HTR2C: variants seen among roughly 807,000 people sequenced by gnomAD.
HTR2C encodes the protein 5-hydroxytryptamine receptor 2C.
HTR2C carries 5 observed loss-of-function variants against 21.0 expected under a neutral mutation model. That is an observed-to-expected ratio of 0.24 (90% CI 0.12 to 0.50). HTR2C has a LOEUF of 0.50. HTR2C is among the 20% of genes least tolerant of loss of function. The pLI is 0.98. For synonymous variants in HTR2C, 150 were observed against 145.3 expected, an observed-to-expected ratio of 1.03 and a Z score of -0.23; for missense variants, 271 against 371.2, an observed-to-expected ratio of 0.73 and a Z score of 2.22.
intron 5 of HTR2C, among the ~76,000 whole-genome samples, chrX:114,891,009 A>G (rs781820519): frequency 2.0e-3 from 219 of 111,415 alleles, no homozygotes; most frequent in Non-Finnish European, 3.6e-3. Context: ...GGCTTAATTC[A>G]TATTTTGTAT....
At chrX:114,609,137 C>T (rs1458457996) in intron 1 of HTR2C, among the ~76,000 whole-genome samples, 6 of 110,971 alleles carry the variant, frequency 5.4e-5, no homozygotes, top group African/African-American at 2.0e-4. Flanking sequence ...GTATTTTGGC[C>T]ACTAACATCA....
Position 114,796,491 on chromosome X carries a change from C to G in HTR2C, c.350-51512C>G, listed in dbSNP as rs1188361907. 3.6e-5 allele frequency among the ~76,000 whole-genome samples: 4 copies of G among 110,990 alleles called. No homozygotes were observed. The Admixed American group carries it at 3.9e-4, about 11-fold the overall frequency. On this transcript the variant is annotated intron_variant, in intron 4 of 5. Transcript: ENST00000276198. ...AGATGGATATGCATGGATTCTGATC[C>G]TAATTCCTGTTACTTAATGTCTATA...
At chrX:114,779,953 C>T (rs2316100) in intron 4 of HTR2C, among the ~76,000 whole-genome samples, 1,181 of 110,207 alleles carry the variant, frequency 0.011, 21 homozygotes, top group Admixed American at 0.073. Context: ...ATACTGTCAG[C>T]CTTTTGCATC....
At chrX:114,698,143 A>G (rs1287958207) in intron 2 of HTR2C, among the ~76,000 whole-genome samples, 1 of 112,243 alleles carries the variant, frequency 8.9e-6, no homozygotes. Context: ...GACTGCATGT[A>G]GAAGCTTTTT....
rs369570764 is a variant in HTR2C, at chrX:114,806,341, A to G, written c.350-41662A>G. 1.7e-4 allele frequency among the ~76,000 whole-genome samples: 14 copies of G among 81,151 alleles called. 1 individual carries two copies. The highest frequency in any genetic ancestry group is 6.4e-4 in the African/African-American group (13 of 20,291). 70.5% of individuals were successfully genotyped at this position (81,151 alleles called of 115,157 possible). ...CATATATACACCATATATATACACC[A>G]TATATATACACACCATATATATACC... On this transcript the variant is annotated intron_variant, in intron 4 of 5. Coordinates refer to ENST00000276198, the MANE Select transcript of HTR2C (RefSeq NM_000868.4).
chrX:114,680,836 G>GT (rs1320155309), intron 2 of HTR2C, among the ~76,000 whole-genome samples: 13 of 111,334 alleles, frequency 1.2e-4, no homozygotes, highest in Non-Finnish European at 2.5e-4. Flanking sequence ...AAAGGCTTGT[G>GT]TAGAGACTTT....
chrX:114,854,019 A>G (rs995279126), intron 5 of HTR2C, among the ~76,000 whole-genome samples: 7 of 111,720 alleles, frequency 6.3e-5, no homozygotes, highest in Non-Finnish European at 1.3e-4. Flanking sequence ...CCAAACCTAT[A>G]TGTCACTCTC....
intron 2 of HTR2C, among the ~76,000 whole-genome samples, chrX:114,726,061 C>T (rs1477045918): frequency 8.9e-6 from 1 of 112,208 alleles, no homozygotes; most frequent in African/African-American, 3.2e-5. Flanking sequence ...AGCTTCCGGG[C>T]TGCTTTGTTT....
intron 4 of HTR2C, among the ~76,000 whole-genome samples, chrX:114,807,163 ACC>A (rs1556450622): frequency 0.01 from 492 of 48,587 alleles, 212 homozygotes; most frequent in Non-Finnish European, 0.014. Flanking sequence ...CCATATATAT[ACC>A]CCATATATAC....
intron 2 of HTR2C, among the ~76,000 whole-genome samples, chrX:114,643,112 T>G (rs782442675): frequency 9.0e-6 from 1 of 111,501 alleles, no homozygotes; most frequent in Non-Finnish European, 1.9e-5. Flanking sequence ...TGATATCAGA[T>G]TATTTTTGCT....
intron 4 of HTR2C, among the ~76,000 whole-genome samples, chrX:114,807,530 A>G (rs1556451024): frequency 9.5e-6 from 1 of 105,555 alleles, no homozygotes; most frequent in African/African-American, 3.4e-5. Context: ...TATACCATAT[A>G]TATATATGGT....
At chrX:114,768,650 A>C (rs112624395) in intron 4 of HTR2C, among the ~76,000 whole-genome samples, 74 of 111,455 alleles carry the variant, frequency 6.6e-4, no homozygotes, top group African/African-American at 2.2e-3. Context: ...ATTGAAAAAT[A>C]TTAAGGCAAT....
At chrX:114,866,088 A>T (rs1437208924) in intron 5 of HTR2C, among the ~76,000 whole-genome samples, 2 of 111,641 alleles carry the variant, frequency 1.8e-5, no homozygotes, top group Non-Finnish European at 3.8e-5. Context: ...AAGTGCTGGG[A>T]TTATAGGCGT....
intron 5 of HTR2C, chrX:114,900,233 T>C (rs994768060): frequency 8.0e-6 from 1 of 125,042 alleles, no homozygotes; most frequent in Non-Finnish European, 1.7e-5. Context: ...TTACAATGCA[T>C]TGTCATCATT....
intron 2 of HTR2C, among the ~76,000 whole-genome samples, chrX:114,679,115 G>T (rs1156645868): frequency 9.0e-6 from 1 of 111,451 alleles, no homozygotes; most frequent in Non-Finnish European, 1.9e-5. Context: ...GAACAATTAT[G>T]AATTAAGCCC....
chrX:114,704,427 T>C (rs782697583), intron 2 of HTR2C, among the ~76,000 whole-genome samples: 1 of 111,559 alleles, frequency 9.0e-6, no homozygotes, highest in African/African-American at 3.3e-5. Flanking sequence ...ATAAATGTAA[T>C]CCAGCATATA....
chrX:114,814,677 A>G (rs2070564714), intron 4 of HTR2C, among the ~76,000 whole-genome samples: 1 of 106,452 alleles, frequency 9.4e-6, no homozygotes, highest in African/African-American at 3.4e-5. Context: ...CAAATTATTT[A>G]CTGAAAGAAA....
intron 2 of HTR2C, among the ~76,000 whole-genome samples, chrX:114,670,394 C>CAAAAAAA (rs35858180): frequency 7.1e-4 from 45 of 63,515 alleles, no homozygotes; most frequent in African/African-American, 2.7e-3. Context: ...TACTCTGTCT[C>CAAAAAAA]AAAAAAAAAA....
intron 3 of HTR2C, among the ~76,000 whole-genome samples, chrX:114,729,038 T>C (rs782217072): frequency 8.9e-6 from 1 of 112,344 alleles, no homozygotes; most frequent in South Asian, 3.6e-4. Context: ...CTTCAGCTAA[T>C]TTAAAACAGA....
Sources: gnomAD v4.1 joint callset for allele counts (sites outside exome capture counted in the v4.1 genomes callset) on GRCh38, gnomAD v4.1.1 for gene constraint, MANE v1.5 for transcripts, NCBI Gene and HGNC (gene_info 2026-07-23, HGNC 2026-07-21) for gene names.